Variants in PHF3 observed in about 807,000 individuals in gnomAD.
PHF3 encodes PHD finger protein 3.
In PHF3, 41 loss-of-function variants were observed where a neutral mutation model predicts 178.4. The ratio of observed to expected loss-of-function variants is 0.23; its 90% CI spans 0.18 to 0.30. PHF3 has a LOEUF of 0.30. Ranked by LOEUF, PHF3 falls within the 10% of genes least tolerant of loss-of-function variation. PHF3 has a pLI of 1.00. For missense variants in PHF3, 2,346 were observed against 2,398.1 expected, an observed-to-expected ratio of 0.98 and a Z score of 0.45; for synonymous variants, 842 against 800.5, an observed-to-expected ratio of 1.05 and a Z score of -0.88.
At chr6:63,696,727 A>G (rs1695215631) in intron 6 of PHF3, among the ~76,000 whole-genome samples, 1 of 152,202 alleles carries the variant, frequency 6.6e-6, no homozygotes. Flanking sequence ...AAGCCAGGTG[A>G]AGTTTCAAGA....
At chr6:63,706,479 T>G (rs944606664) in intron 12 of PHF3, among the ~76,000 whole-genome samples, 1 of 152,184 alleles carries the variant, frequency 6.6e-6, no homozygotes, top group African/African-American at 2.4e-5. Flanking sequence ...AAGTCAGGGA[T>G]AGATTATTAA....
At chr6:63,651,619 C>T (rs1765022591) in intron 2 of PHF3, among the ~76,000 whole-genome samples, 1 of 152,152 alleles carries the variant, frequency 6.6e-6, no homozygotes, top group South Asian at 2.1e-4. Flanking sequence ...GCCTTGGCCT[C>T]CCAAAGTGCT....
chr6:63,671,186 A>G (rs938796182), intron 2 of PHF3, among the ~76,000 whole-genome samples: 1 of 152,172 alleles, frequency 6.6e-6, no homozygotes. Flanking sequence ...GCAGTTTACA[A>G]CAATCGTATG....
chr6:63,673,615 T>C (rs574025841), intron 2 of PHF3, among the ~76,000 whole-genome samples: 4 of 152,308 alleles, frequency 2.6e-5, no homozygotes, highest in Non-Finnish European at 5.9e-5. Context: ...GGCTCAGATT[T>C]CTAGAAACTT....
intron 6 of PHF3, among the ~76,000 whole-genome samples, chr6:63,697,707 G>GA (rs1030111067): frequency 1.4e-4 from 21 of 152,178 alleles, no homozygotes; most frequent in African/African-American, 5.1e-4. Context: ...AATACATGAA[G>GA]ATGGTAAAAA....
chr6:63,691,391 CAG>C (rs1323878449), intron 4 of PHF3, among the ~76,000 whole-genome samples: 3 of 152,084 alleles, frequency 2.0e-5, no homozygotes, highest in African/African-American at 7.2e-5. Context: ...CCACCCTTCT[CAG>C]TGGATAAATT....
intron 1 of PHF3, among the ~76,000 whole-genome samples, chr6:63,646,168 G>C (rs1303855194): frequency 5.9e-5 from 9 of 152,176 alleles, no homozygotes; most frequent in Non-Finnish European, 1.2e-4. Context: ...TTGTGAAAAG[G>C]TTGTGGTTAA....
Position 63,721,596 on chromosome 6 carries a change from A to C in PHF3, c.*7888A>C. On this transcript the variant is annotated 3_prime_UTR_variant, in exon 16 of 16. Coordinates refer to ENST00000262043, the MANE Select transcript of PHF3 (RefSeq NM_001370348.2). ...GTCTGTATTTGTGTCCAGAGAACTC[A>C]TTTTAGTGGAGGCCTTTTCTGTTAC... is the stretch of plus-strand genomic sequence containing the variant. The C allele has an allele frequency of 1.3e-6, 2 of 1,551,606 alleles. No individual in the cohort carries two copies. Among genetic ancestry groups the C allele is most frequent in the Non-Finnish European group, 1.7e-6 (2 of 1,146,786 alleles).
chr6:63,674,673 T>G (rs1469311121), intron 2 of PHF3, among the ~76,000 whole-genome samples: 2 of 152,056 alleles, frequency 1.3e-5, no homozygotes. Flanking sequence ...TTCACATATT[T>G]TCTTACTATA....
intron 6 of PHF3, among the ~76,000 whole-genome samples, chr6:63,696,323 TTTTAC>T (rs1312596146): frequency 6.6e-6 from 1 of 152,014 alleles, no homozygotes; most frequent in Non-Finnish European, 1.5e-5. Context: ...CAGCATTTAT[TTTTAC>T]TTTATTTTTG....
chr6:63,638,133 C>G (rs1464916395), intron 1 of PHF3, among the ~76,000 whole-genome samples: 1 of 151,948 alleles, frequency 6.6e-6, no homozygotes, highest in Non-Finnish European at 1.5e-5. Context: ...ATAGAAAAAT[C>G]GAAAGGAATT....
In PHF3 at chr6:63,711,719, A is replaced by C; in HGVS notation, c.4131A>C (p.Pro1377=). 1 of 1,614,012 alleles carries C rather than the reference A, an allele frequency of 6.2e-7. No homozygotes were observed. The highest frequency in any genetic ancestry group is 8.5e-7 in the Non-Finnish European group (1 of 1,179,914). Residue 1377 remains proline (P), a synonymous_variant, in exon 16 of 16, where the codon CCA becomes CCC. Coordinates refer to ENST00000262043, the MANE Select transcript of PHF3 (RefSeq NM_001370348.2). The part of the protein sequence containing the change: ...TPESAPPIAL[P]PDKKSKIEVS... ...AAAGTGCACCACCAATAGCATTGCCACCTGATAAAAAAAGTAAAATAGAAG... is the reference window on the plus strand; with the variant it reads ...AAAGTGCACCACCAATAGCATTGCCCCCTGATAAAAAAAGTAAAATAGAAG...
chr6:63,679,469 G>C (rs1170597244), intron 2 of PHF3, among the ~76,000 whole-genome samples: 1 of 149,988 alleles, frequency 6.7e-6, no homozygotes, highest in South Asian at 2.1e-4. Context: ...TCCTCTCTCT[G>C]TTTTTTTCCG....
rs1315065950 is a variant in PHF3, at chr6:63,711,567, T to A, written c.3998-19T>A. ...TGATTGAAAATGATGAATTAATTGA[T>A]GTTTTTGGTTTTATACAGGGCTTGA... is the stretch of plus-strand genomic sequence containing the variant. On this transcript the variant is annotated intron_variant, in intron 15 of 15. Transcript: ENST00000262043. 2.0e-6 allele frequency: 3 copies of A among 1,537,144 alleles called. No individual in the cohort carries two copies. Among genetic ancestry groups the A allele is most frequent in the Non-Finnish European group, 2.6e-6 (3 of 1,143,702 alleles).
At position 63,719,672 on chromosome 6, in the gene PHF3, T is replaced by C. The variant is rs571259991; in HGVS notation, c.*5964T>C. Reference sequence around the variant, plus strand: ...GTACTAAATTGTTAGGATAGTAATTTTCCATGGCATTGTTTAGAACCTATT... The same window carrying C: ...GTACTAAATTGTTAGGATAGTAATTCTCCATGGCATTGTTTAGAACCTATT... On this transcript the variant is annotated 3_prime_UTR_variant, in exon 16 of 16. Transcript: ENST00000262043. Among the ~76,000 whole-genome samples the C allele has an allele frequency of 5.6e-4, 85 of 152,254 alleles. No homozygotes were observed. Among genetic ancestry groups the C allele is most frequent in the African/African-American group, 2.0e-3 (83 of 41,590 alleles).
At position 63,720,651 on chromosome 6, in the gene PHF3, A is replaced by C; in HGVS notation, c.*6943A>C. On this transcript the variant is annotated 3_prime_UTR_variant, in exon 16 of 16. Transcript: ENST00000262043. ...ATAAACATTGTATCCTTCTAATTTAATTAGTTCAATGTTTTTTGGTTCCTG... is the reference window on the plus strand; with the variant it reads ...ATAAACATTGTATCCTTCTAATTTACTTAGTTCAATGTTTTTTGGTTCCTG... 6.5e-7 allele frequency: 1 copy of C among 1,533,894 alleles called. No homozygotes were observed. Among genetic ancestry groups the C allele is most frequent in the East Asian group, 2.5e-5 (1 of 40,712 alleles).
At chr6:63,689,269 AT>A (rs1172260766) in intron 4 of PHF3, among the ~76,000 whole-genome samples, 1 of 152,004 alleles carries the variant, frequency 6.6e-6, no homozygotes, top group Non-Finnish European at 1.5e-5. Flanking sequence ...TTTTCATGTT[AT>A]TTACCTTGTG....
rs1216993077 is a variant in PHF3 at position 63,721,462 on chromosome 6, CTTGA to C, written c.*7757_*7760del. ...GCTCCAAATTCAGTTAATTGTAATT[CTTGA>C]TTATTTATGATAACTTGTCGGATAC... On this transcript the variant is annotated 3_prime_UTR_variant, in exon 16 of 16. Transcript: ENST00000262043. 3 of 1,551,572 alleles carry C rather than the reference CTTGA, an allele frequency of 1.9e-6. No individual in the cohort carries two copies. The highest frequency in any genetic ancestry group is 2.6e-6 in the Non-Finnish European group (3 of 1,146,870).
Position 63,684,705 on chromosome 6 carries a change from T to C in PHF3, c.983T>C (p.Leu328Ser), listed in dbSNP as rs1239303981. Residue 328 changes from leucine to serine, a missense_variant, in exon 4 of 16, where the codon TTA becomes TCA. Leu to Ser is a moderately radical substitution (Grantham distance 145). This residue lies in a region of PHF3 where 843 missense variants were observed against 795.2 expected (regional missense o/e 1.06). Transcript: ENST00000262043. ...CAAGATTCAAAGGAGACAGTAAAAT[T>C]ATCCCATGAAGATGACCATATTCTT... ...VEQDSKETVK[L>S]SHEDDHILED... is the part of the protein sequence containing the mutation. 1.2e-5 allele frequency: 19 copies of C among 1,613,752 alleles called. No homozygotes were observed. Among genetic ancestry groups the C allele is most frequent in the Non-Finnish European group, 1.5e-5 (18 of 1,179,756 alleles).
Sources: gnomAD v4.1 joint callset for allele counts (sites outside exome capture counted in the v4.1 genomes callset) on GRCh38, gnomAD v4.1.1 for gene constraint, gnomAD v4.1.1 regional missense constraint, MANE v1.5 for transcripts, NCBI Gene and HGNC (gene_info 2026-07-23, HGNC 2026-07-21) for gene names.